The following CD200R1 variants were observed in gnomAD, a reference collection of about 807,000 sequenced individuals.
CD200R1 encodes cell surface glycoprotein CD200 receptor 1.
Under a neutral mutation model 38.1 loss-of-function variants are expected in CD200R1, and 30 were observed. The ratio of observed to expected loss-of-function variants is 0.79; its 90% CI spans 0.59 to 1.07. The LOEUF is 1.07. Among genes scored for constraint, CD200R1 ranks in the 50% least tolerant of loss-of-function variants. The pLI is 0.00. For missense variants in CD200R1, 372 were observed against 415.4 expected (o/e 0.90, Z 0.91); for synonymous variants, 128 against 152.1 (o/e 0.84, Z 1.16).
At chr3:112,949,645 A>C (rs1333580714) in intron 1 of CD200R1, among the ~76,000 whole-genome samples, 1 of 152,214 alleles carries the variant, frequency 6.6e-6, no homozygotes, top group African/African-American at 2.4e-5. Flanking sequence ...AGTAGAAATC[A>C]ATGGTTAGAG....
chr3:112,940,117 T>C (rs1299781392), intron 2 of CD200R1, among the ~76,000 whole-genome samples: 1 of 151,900 alleles, frequency 6.6e-6, no homozygotes, highest in African/African-American at 2.4e-5. Context: ...AATATTCATA[T>C]GCAGAAGAAT....
chr3:112,928,844 G>A lies in CD200R1; in HGVS notation c.741C>T (p.Asn247=). ...GAAGTAGCTCTATGTACAGACTCTT[G>A]TTGCCAGTCAAATGGGAGACGTGGC... ...VTCHVSHLTG[N]KSLYIELLPV... The change falls in exon 5 of 8, where the codon AAC becomes AAT. Residue 247 remains asparagine, a synonymous_variant. Coordinates refer to ENST00000308611, the MANE Select transcript of CD200R1 (RefSeq NM_138806.4). 1 of 1,613,400 alleles carries A rather than the reference G, an allele frequency of 6.2e-7. No homozygotes were observed.
At chr3:112,934,983 A>G (rs1940543072) in intron 2 of CD200R1, among the ~76,000 whole-genome samples, 1 of 152,172 alleles carries the variant, frequency 6.6e-6, no homozygotes, top group East Asian at 1.9e-4. Context: ...CTTTAAGACA[A>G]AGGCTATATA....
intron 1 of CD200R1, among the ~76,000 whole-genome samples, chr3:112,962,399 C>CA (rs1007050818): frequency 1.3e-5 from 2 of 152,016 alleles, no homozygotes; most frequent in African/African-American, 4.8e-5. Flanking sequence ...CATTGTTTTC[C>CA]AAAAAATCTG....
chr3:112,924,600 A>T (rs1940241381), intron 6 of CD200R1, 65 bp from the exon 7 acceptor site: 1 of 929,720 alleles, frequency 1.1e-6, no homozygotes, highest in Non-Finnish European at 1.4e-6. Context: ...AAAATGGGAA[A>T]ATAAGACAGT....
chr3:112,938,211 C>T (rs1368188621), intron 2 of CD200R1, among the ~76,000 whole-genome samples: 2 of 152,006 alleles, frequency 1.3e-5, no homozygotes, highest in Admixed American at 6.6e-5. Context: ...ACCCTGGCCA[C>T]AACTTCCAAT....
chr3:112,946,245 A>G (rs528615032), intron 2 of CD200R1, among the ~76,000 whole-genome samples: 2 of 152,286 alleles, frequency 1.3e-5, no homozygotes, highest in African/African-American at 2.4e-5. Context: ...ACCTAATACA[A>G]TGCCTGTATA....
intron 5 of CD200R1, among the ~76,000 whole-genome samples, chr3:112,927,953 C>G (rs1230825350): frequency 6.6e-6 from 1 of 152,094 alleles, no homozygotes; most frequent in East Asian, 1.9e-4. Context: ...CAGCACTTAA[C>G]AGTACTTAAA....
chr3:112,942,741 G>GATAT (rs139333737), intron 2 of CD200R1, among the ~76,000 whole-genome samples: 5 of 149,952 alleles, frequency 3.3e-5, no homozygotes, highest in Non-Finnish European at 3.0e-5. Flanking sequence ...AATCTAAAGA[G>GATAT]ATATATATAT....
At chr3:112,939,023 G>GAT (rs1940654939) in intron 2 of CD200R1, among the ~76,000 whole-genome samples, 1 of 151,906 alleles carries the variant, frequency 6.6e-6, no homozygotes, top group Non-Finnish European at 1.5e-5. Flanking sequence ...AAAACTAGGT[G>GAT]ATTATTTTAA....
chr3:112,931,064 T>C, intron 3 of CD200R1, 42 bp downstream of exon 3: 8 of 1,415,650 alleles, frequency 5.7e-6, no homozygotes, highest in Non-Finnish European at 8.0e-6. Flanking sequence ...AAGTTCAACT[T>C]TCCATCCCTA....
chr3:112,963,178 G>T (rs1380808783), intron 1 of CD200R1, among the ~76,000 whole-genome samples: 1 of 152,118 alleles, frequency 6.6e-6, no homozygotes, highest in Non-Finnish European at 1.5e-5. Flanking sequence ...TTTGTAAATT[G>T]CCCAGTCTCA....
In CD200R1 at chr3:112,974,775, G is replaced by C. The variant is rs1933400485; in HGVS notation, c.67+16C>G. 6.4e-7 allele frequency: 1 copy of C among 1,572,086 alleles called. No individual in the cohort carries two copies. ...CCAGGTTTCTCACTGTTCTCCCAAA[G>C]AGAATTCAAACTTACCGGCCACTAA... is the stretch of plus-strand genomic sequence containing the variant. On this transcript the variant is annotated intron_variant, in intron 1 of 7. Coordinates refer to ENST00000308611, the MANE Select transcript of CD200R1 (RefSeq NM_138806.4).
At chr3:112,957,296 T>C (rs56092161) in intron 1 of CD200R1, among the ~76,000 whole-genome samples, 5,483 of 152,330 alleles carry the variant, frequency 0.036, 358 homozygotes, top group African/African-American at 0.12. Flanking sequence ...TTGATGTTTA[T>C]ATGGGGGAAT....
In CD200R1 at chr3:112,922,789, G is replaced by A. The variant is rs1940198576; in HGVS notation, c.*888C>T. ...GAGAAAGTGGCAACTGTAGAAGCAGGAATAGTACAGTTATTAAAATAGAAA... is the reference window on the plus strand; with the variant it reads ...GAGAAAGTGGCAACTGTAGAAGCAGAAATAGTACAGTTATTAAAATAGAAA... On this transcript the variant is annotated 3_prime_UTR_variant, in exon 8 of 8. Coordinates refer to ENST00000308611, the MANE Select transcript of CD200R1 (RefSeq NM_138806.4). 2 of 151,866 alleles carry A rather than the reference G, an allele frequency of 1.3e-5. No individual in the cohort carries two copies. The highest frequency in any genetic ancestry group is 4.1e-4 in the South Asian group (2 of 4,830). 9.4% of individuals were successfully genotyped at this position (151,866 alleles called of 1,614,324 possible).
chr3:112,925,189 T>C lies in CD200R1; in HGVS notation c.774A>G (p.Pro258=). The C allele has an allele frequency of 8.1e-6, 12 of 1,489,870 alleles. No homozygotes were observed. Among genetic ancestry groups the C allele is most frequent in the Non-Finnish European group, 1.1e-5 (12 of 1,069,666 alleles). 92.3% of individuals were successfully genotyped at this position (1,489,870 alleles called of 1,614,324 possible). ...ATAATTTTGCTGATTTTTTGGCACC[T>C]GGAACTATAGACACAAAAATATATG... ...KSLYIELLPV[P]GAKKSAKLYI... is the part of the protein sequence containing the mutation. The change falls in exon 6 of 8, where the codon CCA becomes CCG. Residue 258 remains proline, a synonymous_variant. Coordinates refer to ENST00000308611, the MANE Select transcript of CD200R1 (RefSeq NM_138806.4).
At chr3:112,938,399 AAT>A (rs2107314880) in intron 2 of CD200R1, among the ~76,000 whole-genome samples, 1 of 152,236 alleles carries the variant, frequency 6.6e-6, no homozygotes, top group Non-Finnish European at 1.5e-5. Flanking sequence ...AAACCAAATT[AAT>A]AAAATCAGAA....
chr3:112,934,867 C>G (rs938377689), intron 2 of CD200R1, among the ~76,000 whole-genome samples: 1 of 151,966 alleles, frequency 6.6e-6, no homozygotes, highest in Non-Finnish European at 1.5e-5. Flanking sequence ...GGAAACTCAT[C>G]TCACCTGTAA....
chr3:112,958,998 A>G (rs763309383), intron 1 of CD200R1, among the ~76,000 whole-genome samples: 1 of 152,158 alleles, frequency 6.6e-6, no homozygotes, highest in Non-Finnish European at 1.5e-5. Flanking sequence ...AGACAAAAAA[A>G]AAGGCTCTCA....
Sources: allele counts gnomAD v4.1 joint callset (sites outside exome capture counted in the v4.1 genomes callset), GRCh38; gene constraint gnomAD v4.1.1; transcripts MANE v1.5; gene names NCBI Gene and HGNC (gene_info 2026-07-23, HGNC 2026-07-21).